Variants in CLIP4 observed in about 807,000 individuals in gnomAD.
CLIP4 encodes CAP-Gly domain-containing linker protein 4.
A neutral mutation model predicts 73.1 loss-of-function variants in CLIP4; 47 were observed. That is an observed-to-expected ratio of 0.64 (90% CI 0.51 to 0.82). CLIP4 has a LOEUF of 0.82. Ranked by LOEUF, CLIP4 falls within the 40% of genes least tolerant of loss-of-function variation. The probability of loss-of-function intolerance (pLI) is 0.00; values close to 1 mark genes in which losing one functional copy is unlikely to be tolerated. For synonymous variants in CLIP4, 306 were observed against 295.4 expected (o/e 1.04, Z -0.37); for missense variants, 874 against 852.9 (o/e 1.02, Z -0.31).
At chr2:29,100,002 A>G (rs943420012) in intron 1 of CLIP4, among the ~76,000 whole-genome samples, 1 of 152,206 alleles carries the variant, frequency 6.6e-6, no homozygotes, top group African/African-American at 2.4e-5. Flanking sequence ...AACTGCTGGT[A>G]TATACGAAAG....
At chr2:29,165,124 G>C (rs3112921) in intron 13 of CLIP4, among the ~76,000 whole-genome samples, 2 of 152,144 alleles carry the variant, frequency 1.3e-5, no homozygotes, top group Non-Finnish European at 2.9e-5. Flanking sequence ...ATGAAGAAAC[G>C]GGTTTCAAAG....
chr2:29,149,154 G>A (rs1234688983), intron 8 of CLIP4, among the ~76,000 whole-genome samples: 2 of 152,298 alleles, frequency 1.3e-5, no homozygotes, highest in South Asian at 4.1e-4. Flanking sequence ...CAGTGTGTAA[G>A]CAGATGGACG....
At chr2:29,152,629 T>C (rs1333334952) in intron 8 of CLIP4, 56 bp from the exon 9 acceptor site, 1 of 1,560,398 alleles carries the variant, frequency 6.4e-7, no homozygotes, top group Non-Finnish European at 8.8e-7. Flanking sequence ...TTGTACTTGT[T>C]CCTTTATTTG....
intron 9 of CLIP4, among the ~76,000 whole-genome samples, chr2:29,153,960 C>T (rs932039776): frequency 1.3e-5 from 2 of 152,112 alleles, no homozygotes; most frequent in Non-Finnish European, 2.9e-5. Context: ...TTTAAAAATT[C>T]TGTTGAGGTT....
At chr2:29,102,502 C>A (rs932846768) in intron 1 of CLIP4, among the ~76,000 whole-genome samples, 6 of 152,174 alleles carry the variant, frequency 3.9e-5, no homozygotes, top group Non-Finnish European at 4.4e-5. Context: ...GGGCAGCCAC[C>A]AACTCCCTGG....
rs1168846979 is a variant in CLIP4 at position 29,152,813 on chromosome 2, T to C, written c.1150T>C (p.Ser384Pro). Reference sequence around the variant, plus strand: ...GAAAATTGACGTAGCTCATGTGACGTCAAAAGTAAATACTGGTAGGTCAAA... The same window carrying C: ...GAAAATTGACGTAGCTCATGTGACGCCAAAAGTAAATACTGGTAGGTCAAA... The part of the protein sequence containing the change: ...SQKIDVAHVT[S>P]KVNTGLMTSK... Residue 384 changes from serine (S) to proline (P), a missense_variant, in exon 9 of 16, where the codon TCA (serine) becomes CCA (proline). Coordinates refer to ENST00000320081, the MANE Select transcript of CLIP4 (RefSeq NM_024692.6). 1 of 1,613,412 alleles carries C rather than the reference T, an allele frequency of 6.2e-7. No homozygotes were observed. The highest frequency in any genetic ancestry group is 2.2e-5 in the East Asian group (1 of 44,828).
At chr2:29,179,851 G>A (rs1474700153) in intron 15 of CLIP4, among the ~76,000 whole-genome samples, 1 of 151,966 alleles carries the variant, frequency 6.6e-6, no homozygotes, top group Non-Finnish European at 1.5e-5. Context: ...TATTGTATTT[G>A]TGCATTTGAC....
At chr2:29,176,026 G>A (rs1429252295) in intron 15 of CLIP4, among the ~76,000 whole-genome samples, 3 of 152,226 alleles carry the variant, frequency 2.0e-5, no homozygotes, top group Admixed American at 2.0e-4. Flanking sequence ...CTCCCAAAGT[G>A]TTGGGATTAC....
Position 29,121,374 on chromosome 2 carries a change from G to A in CLIP4, c.-15G>A. The A allele has an allele frequency of 6.3e-7, 1 of 1,593,796 alleles. No individual in the cohort carries two copies. Among genetic ancestry groups the A allele is most frequent in the Non-Finnish European group, 8.5e-7 (1 of 1,173,950 alleles). On this transcript the variant is annotated splice_region_variant and 5_prime_UTR_variant, in exon 2 of 16. In the 5' UTR this introduces an upstream ATG that the reference lacks. Coordinates refer to ENST00000320081, the MANE Select transcript of CLIP4 (RefSeq NM_024692.6). ...ACTTTTTTTTTCTTTCTTATTATAG[G>A]TGGCTTTCTAGAAGATGACCATAGA...
At chr2:29,108,432 C>T (rs1440199956) in intron 1 of CLIP4, among the ~76,000 whole-genome samples, 5 of 152,112 alleles carry the variant, frequency 3.3e-5, no homozygotes, top group Admixed American at 6.5e-5. Flanking sequence ...CCAGGCGGGA[C>T]GGGGCAGGAT....
intron 14 of CLIP4, among the ~76,000 whole-genome samples, chr2:29,170,702 G>A (rs1327776985): frequency 6.6e-6 from 1 of 151,910 alleles, no homozygotes; most frequent in Non-Finnish European, 1.5e-5. Context: ...TTTTTGTCCT[G>A]TGTTATCTTC....
intron 8 of CLIP4, among the ~76,000 whole-genome samples, chr2:29,147,996 T>A (rs1459137396): frequency 6.6e-6 from 1 of 152,132 alleles, no homozygotes; most frequent in Non-Finnish European, 1.5e-5. Flanking sequence ...AAATCAGAAT[T>A]ATGGAATCAT....
chr2:29,165,610 G>A (rs1558574057), intron 13 of CLIP4, among the ~76,000 whole-genome samples: 2 of 152,186 alleles, frequency 1.3e-5, no homozygotes, highest in Non-Finnish European at 2.9e-5. Flanking sequence ...AGTCACCAGT[G>A]AATCTTCTGT....
intron 13 of CLIP4, among the ~76,000 whole-genome samples, chr2:29,164,406 G>T (rs993939987): frequency 2.0e-5 from 3 of 152,120 alleles, no homozygotes; most frequent in African/African-American, 7.2e-5. Flanking sequence ...AAAATAGATA[G>T]GCAGTAGATC....
At chr2:29,165,633 C>A (rs1667561107) in intron 13 of CLIP4, among the ~76,000 whole-genome samples, 1 of 152,270 alleles carries the variant, frequency 6.6e-6, no homozygotes, top group East Asian at 1.9e-4. Flanking sequence ...TCTCATGTTA[C>A]TTTGGGCATA....
intron 8 of CLIP4, among the ~76,000 whole-genome samples, chr2:29,145,614 A>C (rs969665700): frequency 2.0e-5 from 3 of 152,172 alleles, no homozygotes; most frequent in African/African-American, 7.2e-5. Context: ...AAAGTCCTGA[A>C]AAACTTGAAA....
chr2:29,143,809 T>C lies in CLIP4; in HGVS notation c.749T>C (p.Met250Thr), dbSNP rs1204757632. 3.1e-6 allele frequency: 5 copies of C among 1,614,052 alleles called. No individual in the cohort carries two copies. The highest frequency in any genetic ancestry group is 2.2e-5 in the South Asian group (2 of 91,086). Residue 250 changes from methionine (M) to threonine (T), a missense_variant, in exon 7 of 16, where the codon ATG (methionine) becomes ACG (threonine). Physicochemically the swap from Met to Thr is moderately conservative, Grantham distance 81. Coordinates refer to ENST00000320081, the MANE Select transcript of CLIP4 (RefSeq NM_024692.6). ...GCCACTGCTAAGGAAATCAAGCAGA[T>C]GCTTCTAGATGCGGTGCCTCTGTCA... is the stretch of plus-strand genomic sequence containing the variant. Reference protein sequence around the residue: ...AAATAKEIKQMLLDAVPLSCN... With the variant: ...AAATAKEIKQTLLDAVPLSCN...
At chr2:29,111,978 C>G (rs541681906), upstream of CLIP4, among the ~76,000 whole-genome samples, 2 of 152,152 alleles carry the variant, frequency 1.3e-5, no homozygotes, top group South Asian at 4.1e-4. Flanking sequence ...TTTATTTTTC[C>G]TTGATAAATT....
At chr2:29,169,880 C>G (rs778844297) in intron 14 of CLIP4, among the ~76,000 whole-genome samples, 1 of 152,018 alleles carries the variant, frequency 6.6e-6, no homozygotes, top group Non-Finnish European at 1.5e-5. Context: ...ATGTTTGTGC[C>G]CATTAGCCAA....
Sources: allele counts gnomAD v4.1 joint callset (sites outside exome capture counted in the v4.1 genomes callset), GRCh38; gene constraint gnomAD v4.1.1; transcripts MANE v1.5; gene names NCBI Gene and HGNC (gene_info 2026-07-23, HGNC 2026-07-21).